Variants in TMEM87A observed in about 807,000 individuals in gnomAD.
TMEM87A encodes transmembrane protein 87A, also known as Golgi-pH regulating cation channel.
A neutral mutation model predicts 90.0 loss-of-function variants in TMEM87A; 50 were observed. That is an observed-to-expected ratio of 0.56 (90% CI 0.44 to 0.70). The LOEUF (loss-of-function observed/expected upper bound fraction) is 0.70. TMEM87A is among the 30% of genes least tolerant of loss of function. The pLI, the probability that TMEM87A is intolerant of heterozygous loss-of-function variation, is 0.00. For synonymous variants in TMEM87A, 226 were observed against 226.7 expected (o/e 1.00, Z 0.03); for missense variants, 577 against 660.5 (o/e 0.87, Z 1.39).
chr15:42,228,085 A>G (rs1374709104), intron 13 of TMEM87A, among the ~76,000 whole-genome samples: 1 of 152,194 alleles, frequency 6.6e-6, no homozygotes, highest in Non-Finnish European at 1.5e-5. Context: ...TCTTTCCAGC[A>G]TTATCAATAT....
chr15:42,249,071 T>C (rs1333679034), intron 6 of TMEM87A, among the ~76,000 whole-genome samples: 1 of 152,244 alleles, frequency 6.6e-6, no homozygotes, highest in Non-Finnish European at 1.5e-5. Flanking sequence ...TTTATTTGTG[T>C]GGAGATGTTT....
At chr15:42,227,866 C>T (rs529076352) in intron 13 of TMEM87A, 97 bp from the exon 14 acceptor site, 169 of 1,019,980 alleles carry the variant, frequency 1.7e-4, no homozygotes, top group Middle Eastern at 8.2e-4. Context: ...CCACACACCC[C>T]GAACCCCCAA....
At chr15:42,246,187 A>G (rs1208920317) in intron 6 of TMEM87A, among the ~76,000 whole-genome samples, 1 of 152,120 alleles carries the variant, frequency 6.6e-6, no homozygotes, top group Non-Finnish European at 1.5e-5. Context: ...GTTCATCTAT[A>G]TTGCTGTATG....
intron 9 of TMEM87A, 139 bp from the exon 10 acceptor site, chr15:42,236,558 A>AGTTTT: frequency 2.9e-6 from 2 of 682,296 alleles, no homozygotes; most frequent in Non-Finnish European, 5.0e-6. Context: ...CCTCTTCCAC[A>AGTTTT]GTTTTTACAG....
intron 15 of TMEM87A, among the ~76,000 whole-genome samples, chr15:42,222,294 TG>T (rs2050504026): frequency 6.6e-6 from 1 of 151,950 alleles, no homozygotes; most frequent in Admixed American, 6.6e-5. Flanking sequence ...TGACCTCAGG[TG>T]ATCTGTCCGC....
At chr15:42,251,910 C>T (rs761334294) in intron 6 of TMEM87A, among the ~76,000 whole-genome samples, 5 of 152,224 alleles carry the variant, frequency 3.3e-5, no homozygotes, top group African/African-American at 4.8e-5. Context: ...CCACCCAATT[C>T]GAACTTCCTG....
At chr15:42,263,117 A>C (rs1412555406) in intron 4 of TMEM87A, among the ~76,000 whole-genome samples, 1 of 152,232 alleles carries the variant, frequency 6.6e-6, no homozygotes, top group Non-Finnish European at 1.5e-5. Context: ...TAATTAGATG[A>C]GGAGACCAAA....
At chr15:42,218,986 T>C (rs1204145146) in intron 17 of TMEM87A, 1 of 152,892 alleles carries the variant, frequency 6.5e-6, no homozygotes, top group Non-Finnish European at 1.5e-5. Context: ...GGAAGCTCCA[T>C]ACTATTTTCC....
chr15:42,245,401 A>C (rs1270269039), intron 6 of TMEM87A, among the ~76,000 whole-genome samples: 1 of 152,156 alleles, frequency 6.6e-6, no homozygotes, highest in African/African-American at 2.4e-5. Context: ...TAAATTGATC[A>C]ATTCTCATAT....
At chr15:42,264,946 C>T (rs569777527) in intron 3 of TMEM87A, among the ~76,000 whole-genome samples, 7 of 151,914 alleles carry the variant, frequency 4.6e-5, no homozygotes, top group Non-Finnish European at 8.8e-5. Flanking sequence ...TAAGTGAAAA[C>T]GTGGTATTTC....
intron 15 of TMEM87A, 121 bp downstream of exon 15, chr15:42,226,685 T>C: frequency 1.2e-6 from 1 of 821,574 alleles, no homozygotes; most frequent in East Asian, 2.5e-5. Context: ...GTTCTTCTGA[T>C]TCCAGGCCCA....
At chr15:42,258,652 C>T in intron 6 of TMEM87A, 3 of 1,011,746 alleles carry the variant, frequency 3.0e-6, no homozygotes, top group Non-Finnish European at 3.7e-6. Context: ...GTCTCGAACT[C>T]CCAACCTCAA....
chr15:42,221,297 CAGAGAGAGAGAGACAG>C (rs1273629635), intron 15 of TMEM87A, among the ~76,000 whole-genome samples: 2 of 143,218 alleles, frequency 1.4e-5, no homozygotes, highest in African/African-American at 5.2e-5. Flanking sequence ...GAGAGAGAGA[CAGAGAGAGAGAGACAG>C]AGAGAGAGAG....
rs1566917915 is a variant in TMEM87A at position 42,211,137 on chromosome 15, T to TA, written c.*570_*571insT. 1 of 36,044 alleles carries TA rather than the reference T, an allele frequency of 2.8e-5. No homozygotes were observed. Among genetic ancestry groups the TA allele is most frequent in the African/African-American group, 4.8e-5 (1 of 20,792 alleles). The allele number at this position is 36,044 out of a possible 1,614,324, so 2.2% of individuals were successfully genotyped here. ...ATCTGAATCATACTGTAACAGTTTC[T>TA]CTTTTTTTTTTTTTCTTTTGATCAT... On this transcript the variant is annotated 3_prime_UTR_variant, in exon 20 of 20. Transcript: ENST00000389834.
At chr15:42,264,626 T>G (rs191607217) in intron 3 of TMEM87A, among the ~76,000 whole-genome samples, 17 of 149,056 alleles carry the variant, frequency 1.1e-4, no homozygotes, top group Admixed American at 5.4e-4. Context: ...AATTGAGAGA[T>G]AGAAACAGAA....
chr15:42,245,520 C>CTTTTTTTTTTTTTT (rs550453415), intron 6 of TMEM87A, among the ~76,000 whole-genome samples: 1 of 118,432 alleles, frequency 8.4e-6, no homozygotes, highest in African/African-American at 3.4e-5. Flanking sequence ...ACATTTATTA[C>CTTTTTTTTTTTTTT]TTTTTTTTTT....
chr15:42,228,617 C>A, intron 13 of TMEM87A, 95 bp downstream of exon 13: 1 of 1,014,606 alleles, frequency 9.9e-7, no homozygotes, highest in Non-Finnish European at 1.5e-6. Context: ...GTGAAATATA[C>A]AAAACTTTCT....
chr15:42,258,336 T>C (rs144942267), intron 6 of TMEM87A: 50 of 686,956 alleles, frequency 7.3e-5, no homozygotes, highest in Middle Eastern at 7.3e-4. Flanking sequence ...CATGGTATTA[T>C]AGATTACTAT....
chr15:42,213,068 C>T (rs1420398218), intron 19 of TMEM87A, among the ~76,000 whole-genome samples: 1 of 152,128 alleles, frequency 6.6e-6, no homozygotes, highest in Non-Finnish European at 1.5e-5. Context: ...GAATCAAAGT[C>T]GGCAGAAAAA....
Sources: gnomAD v4.1 joint callset for allele counts (sites outside exome capture counted in the v4.1 genomes callset) on GRCh38, gnomAD v4.1.1 for gene constraint, MANE v1.5 for transcripts, NCBI Gene and HGNC (gene_info 2026-07-23, HGNC 2026-07-21) for gene names.